The following GTSE1 variants were observed in gnomAD, a reference collection of about 807,000 sequenced individuals.
GTSE1 encodes G2 and S-phase expressed 1.
A neutral mutation model predicts 60.5 loss-of-function variants in GTSE1; 52 were observed. That is an observed-to-expected ratio of 0.86 (90% CI 0.69 to 1.08). The LOEUF (loss-of-function observed/expected upper bound fraction) is 1.08, where lower values mean the gene tolerates loss of function less well. Among genes scored for constraint, GTSE1 ranks in the 50% least tolerant of loss-of-function variants. The probability of loss-of-function intolerance (pLI) is 0.00; values close to 1 mark genes in which losing one functional copy is unlikely to be tolerated. For missense variants in GTSE1, 937 were observed against 961.8 expected (o/e 0.97, Z 0.34); for synonymous variants, 368 against 386.5 (o/e 0.95, Z 0.56).
At position 46,297,315 on chromosome 22, in the gene GTSE1, C is replaced by G. The variant is rs1461867769; in HGVS notation, c.-21-65C>G. On this transcript the variant is annotated intron_variant, in intron 1 of 11. Coordinates refer to ENST00000454366, the MANE Select transcript of GTSE1 (RefSeq NM_016426.7). This position sits in a 1 kb window ranked among gnomAD's most constrained non-coding sequence, Gnocchi z 4.9. ...TCTCTCTGCCTCTGTGAGCCGAGGG[C>G]TGAAGGAAGCCGGAGCCCTGGGCCC... The G allele has an allele frequency of 2.1e-6, 2 of 961,438 alleles. No individual in the cohort carries two copies. Among genetic ancestry groups the G allele is most frequent in the African/African-American group, 3.2e-5 (2 of 62,548 alleles). The allele number at this position is 961,438 out of a possible 1,614,324, so 59.6% of individuals were successfully genotyped here. A position where few individuals can be genotyped will look rare whatever the true frequency, so the allele number is the denominator to read the frequency against.
Position 46,325,811 on chromosome 22 carries a change from T to G in GTSE1, c.1506-625T>G, listed in dbSNP as rs142331423. On this transcript the variant is annotated intron_variant, in intron 8 of 11. Coordinates refer to ENST00000454366, the MANE Select transcript of GTSE1 (RefSeq NM_016426.7). ...ACATTCAGTCCACAGCAAATGCCAG[T>G]TGACTCAGCCTCTTCTTCATCAACA... 9.8e-4 allele frequency among the ~76,000 whole-genome samples: 149 copies of G among 152,364 alleles called. No homozygotes were observed. In the Middle Eastern group the frequency reaches 0.017, roughly 17 times the overall value.
chr22:46,305,248 T>G (rs1485563244), intron 2 of GTSE1, among the ~76,000 whole-genome samples: 1 of 152,226 alleles, frequency 6.6e-6, no homozygotes, highest in Non-Finnish European at 1.5e-5. Context: ...ATTTTATGAT[T>G]ATTGAAGTAT....
Position 46,314,024 on chromosome 22 carries a change from C to T in GTSE1, c.1051+11C>T, listed in dbSNP as rs919155441. ...CAGCAGTGGGCAAAGGTGAGGCAGC[C>T]GGCATCATGCTTGGACCCACATCTG... On this transcript the variant is annotated intron_variant, in intron 6 of 11. Coordinates refer to ENST00000454366, the MANE Select transcript of GTSE1 (RefSeq NM_016426.7). This position sits in a 1 kb window ranked among gnomAD's most constrained non-coding sequence, Gnocchi z 7.1. 1.4e-5 allele frequency: 23 copies of T among 1,613,578 alleles called. No individual in the cohort carries two copies. The highest frequency in any genetic ancestry group is 5.3e-5 in the African/African-American group (4 of 74,906).
Position 46,297,276 on chromosome 22 carries a change from C to A in GTSE1, c.-21-104C>A. On this transcript the variant is annotated intron_variant, in intron 1 of 11. Transcript: ENST00000454366. This position sits in a 1 kb window ranked among gnomAD's most constrained non-coding sequence, Gnocchi z 4.9. Reference sequence around the variant, plus strand: ...CCCGCGCCGCCTCTCCCAGACCTGGCCGCGGCCTTCAGCTCTCTCTGCCTC... The same window carrying A: ...CCCGCGCCGCCTCTCCCAGACCTGGACGCGGCCTTCAGCTCTCTCTGCCTC... 1 of 741,728 alleles carries A rather than the reference C, an allele frequency of 1.3e-6. No individual in the cohort carries two copies. Among genetic ancestry groups the A allele is most frequent in the Non-Finnish European group, 2.4e-6 (1 of 422,880 alleles). 45.9% of individuals were successfully genotyped at this position (741,728 alleles called of 1,614,324 possible). A position where few individuals can be genotyped will look rare whatever the true frequency, so the allele number is the denominator to read the frequency against.
At chr22:46,302,378 A>T (rs556047527) in intron 2 of GTSE1, among the ~76,000 whole-genome samples, 15 of 151,940 alleles carry the variant, frequency 9.9e-5, no homozygotes, top group Admixed American at 7.9e-4. Flanking sequence ...TTTATTTTTT[A>T]TTTATTTATT....
In GTSE1 at chr22:46,330,194, G is replaced by C; in HGVS notation, c.*64G>C. ...AGTGGTTTTCAACCCTCAGAAACAA[G>C]CTTTAGGCTGGTCGCAGTGGCTTAC... On this transcript the variant is annotated 3_prime_UTR_variant, in exon 12 of 12. Transcript: ENST00000454366. This position sits in a 1 kb window ranked among gnomAD's most constrained non-coding sequence, Gnocchi z 6.0. 5 of 974,682 alleles carry C rather than the reference G, an allele frequency of 5.1e-6. No homozygotes were observed. The highest frequency in any genetic ancestry group is 5.0e-6 in the Non-Finnish European group (3 of 598,784). 60.4% of individuals were successfully genotyped at this position (974,682 alleles called of 1,614,324 possible).
At chr22:46,325,447 C>T (rs1237921624) in intron 8 of GTSE1, among the ~76,000 whole-genome samples, 2 of 152,078 alleles carry the variant, frequency 1.3e-5, no homozygotes, top group African/African-American at 2.4e-5. Context: ...CCACCCGCCT[C>T]GGCCTCCCAA....
intron 2 of GTSE1, among the ~76,000 whole-genome samples, chr22:46,299,263 C>T (rs560929892): frequency 5.3e-5 from 8 of 152,356 alleles, no homozygotes; most frequent in South Asian, 4.1e-4. Context: ...GCTCTGGGAC[C>T]GCTTTGTGCT....
rs1267481916 is a variant in GTSE1, at chr22:46,321,168, T to C, written c.1433-2022T>C. Among the ~76,000 whole-genome samples the C allele has an allele frequency of 6.6e-6, 1 of 152,052 alleles. No homozygotes were observed. Among genetic ancestry groups the C allele is most frequent in the Non-Finnish European group, 1.5e-5 (1 of 68,006 alleles). On this transcript the variant is annotated intron_variant, in intron 7 of 11. Coordinates refer to ENST00000454366, the MANE Select transcript of GTSE1 (RefSeq NM_016426.7). The surrounding 1 kb of genome is among the most constrained non-coding windows in gnomAD (Gnocchi z 4.0). ...TTCCCAAAAGACAGGGATTATGGGA[T>C]GACTTAGTCACAGACCACCCCACTC...
In GTSE1 at chr22:46,314,288, G is replaced by A. The variant is rs2077766180; in HGVS notation, c.1051+275G>A. Among the ~76,000 whole-genome samples, 1 of 152,176 alleles carries A rather than the reference G, an allele frequency of 6.6e-6. No individual in the cohort carries two copies. Among genetic ancestry groups the A allele is most frequent in the Non-Finnish European group, 1.5e-5 (1 of 68,028 alleles). On this transcript the variant is annotated intron_variant, in intron 6 of 11. Transcript: ENST00000454366. The surrounding 1 kb of genome is among the most constrained non-coding windows in gnomAD (Gnocchi z 7.1). The stretch of plus-strand genomic sequence containing the variant: ...ATGATACCCCGTGCCTGAGAACATG[G>A]ACACTGGAATCACCCTCATGTCCAT...
chr22:46,305,979 T>C (rs2077713292), intron 2 of GTSE1, among the ~76,000 whole-genome samples: 1 of 152,170 alleles, frequency 6.6e-6, no homozygotes, highest in Admixed American at 6.5e-5. Flanking sequence ...TAGGTTTATG[T>C]GCATGAAGTT....
rs2077844050 is a variant in GTSE1 at position 46,326,424 on chromosome 22, T to C, written c.1506-12T>C. On this transcript the variant is annotated splice_polypyrimidine_tract_variant and intron_variant, in intron 8 of 11. Transcript: ENST00000454366. ...TCATCTCAGCTCACGACACTGATGT[T>C]GTGTTTGCCAGGGTCACTGTCCACA... The C allele has an allele frequency of 6.3e-7, 1 of 1,588,054 alleles. No homozygotes were observed. Among genetic ancestry groups the C allele is most frequent in the Non-Finnish European group, 8.6e-7 (1 of 1,159,750 alleles).
At position 46,319,256 on chromosome 22, in the gene GTSE1, G is replaced by A. The variant is rs539718145; in HGVS notation, c.1432+2844G>A. ...CCGTCAGTGCAGGAGGACGTGCATA[G>A]GAGAGATCAGAGCAGAGCGACTTGA... On this transcript the variant is annotated intron_variant, in intron 7 of 11. Transcript: ENST00000454366. This position sits in a 1 kb window ranked among gnomAD's most constrained non-coding sequence, Gnocchi z 5.0. 6.6e-6 allele frequency among the ~76,000 whole-genome samples: 1 copy of A among 152,172 alleles called. No individual in the cohort carries two copies. Among genetic ancestry groups the A allele is most frequent in the Non-Finnish European group, 1.5e-5 (1 of 68,026 alleles).
intron 1 of GTSE1, 57 bp downstream of exon 1, chr22:46,296,988 G>C (rs137863299): frequency 5.3e-6 from 1 of 187,316 alleles, no homozygotes; most frequent in African/African-American, 2.4e-5. Flanking sequence ...GTGCGGCGCG[G>C]TGCCCGCCGT....
Position 46,329,902 on chromosome 22 carries a change from T to A in GTSE1, c.2137-145T>A. On this transcript the variant is annotated intron_variant, in intron 11 of 11. Transcript: ENST00000454366. The surrounding 1 kb of genome is among the most constrained non-coding windows in gnomAD (Gnocchi z 6.4). ...CTGTCTCCTTCCAGCTTCTTAGACGTGGTGGCCCAGAGTGCTTTTCAGTGC... is the reference window on the plus strand; with the variant it reads ...CTGTCTCCTTCCAGCTTCTTAGACGAGGTGGCCCAGAGTGCTTTTCAGTGC... 1.6e-6 allele frequency: 1 copy of A among 641,654 alleles called. No homozygotes were observed. Among genetic ancestry groups the A allele is most frequent in the South Asian group, 1.8e-5 (1 of 55,550 alleles). The allele number at this position is 641,654 out of a possible 1,614,324, so 39.7% of individuals were successfully genotyped here. A position where few individuals can be genotyped will look rare whatever the true frequency, so the allele number is the denominator to read the frequency against.
At position 46,310,666 on chromosome 22, in the gene GTSE1, C is replaced by T. The variant is rs1336042070; in HGVS notation, c.763-1475C>T. On this transcript the variant is annotated intron_variant, in intron 4 of 11. Transcript: ENST00000454366. The surrounding 1 kb of genome is among the most constrained non-coding windows in gnomAD (Gnocchi z 4.4). ...AAACACTACTGGGCGTGGTAGCTCA[C>T]ACCTGTGATCACAGCACTTTGGGAA... Among the ~76,000 whole-genome samples, 1 of 152,242 alleles carries T rather than the reference C, an allele frequency of 6.6e-6. No homozygotes were observed. Among genetic ancestry groups the T allele is most frequent in the African/African-American group, 2.4e-5 (1 of 41,464 alleles).
rs2077730320 is a variant in GTSE1 at position 46,308,691 on chromosome 22, C to G, written c.510C>G (p.Asp170Glu). The G allele has an allele frequency of 1.2e-6, 2 of 1,613,936 alleles. No homozygotes were observed. Among genetic ancestry groups the G allele is most frequent in the Non-Finnish European group, 1.7e-6 (2 of 1,180,042 alleles). ...SLKRETYYLS[D>E]SPLLGPPVGE... ...AAAGGGAGACATACTACCTGTCAGA[C>G]AGCCCCTTGCTGGGGCCCCCTGTGG... The change falls in exon 4 of 12, where the codon GAC (aspartate) becomes GAG (glutamate). Residue 170 changes from aspartate (D) to glutamate (E), a missense_variant. Asp to Glu is a conservative substitution (Grantham distance 45). Transcript: ENST00000454366.
intron 9 of GTSE1, 44 bp downstream of exon 9, chr22:46,326,698 C>A: frequency 2.9e-6 from 4 of 1,402,418 alleles, no homozygotes; most frequent in Non-Finnish European, 4.0e-6. Context: ...AATTCCTAGG[C>A]TTGCTGTCCC....
In GTSE1 at chr22:46,326,540, G is replaced by A. The variant is rs560614847; in HGVS notation, c.1610G>A (p.Arg537His). The A allele has an allele frequency of 6.2e-6, 10 of 1,614,108 alleles. No individual in the cohort carries two copies. The highest frequency in any genetic ancestry group is 2.2e-5 in the East Asian group (1 of 44,878). ...GCCTTGCCCACACCCGCCAGCCGGCGCTGCTCTGGCCTTCCACCGATGACC... is the reference window on the plus strand; with the variant it reads ...GCCTTGCCCACACCCGCCAGCCGGCACTGCTCTGGCCTTCCACCGATGACC... ...VSALPTPASR[R>H]CSGLPPMTPK... Residue 537 changes from arginine to histidine, a missense_variant, in exon 9 of 12, where the codon CGC (arginine) becomes CAC (histidine). Arg to His is a conservative substitution (Grantham distance 29). Coordinates refer to ENST00000454366, the MANE Select transcript of GTSE1 (RefSeq NM_016426.7).
Sources: allele counts gnomAD v4.1 joint callset (sites outside exome capture counted in the v4.1 genomes callset), GRCh38; gene constraint gnomAD v4.1.1; non-coding constraint Gnocchi (gnomAD v3.1); transcripts MANE v1.5; gene names NCBI Gene and HGNC (gene_info 2026-07-23, HGNC 2026-07-21).